Variants in WDFY4 observed in about 807,000 individuals in gnomAD.
WDFY4 encodes WD repeat- and FYVE domain-containing protein 4.
In WDFY4, 169 loss-of-function variants were observed where a neutral mutation model predicts 351.9. The ratio of observed to expected loss-of-function variants is 0.48; its 90% CI spans 0.42 to 0.55. The LOEUF is 0.55. WDFY4 is among the 20% of genes least tolerant of loss of function. The pLI is 0.00. For synonymous variants in WDFY4, 1,622 were observed against 1,574.6 expected, an observed-to-expected ratio of 1.03 and a Z score of -0.71; for missense variants, 3,803 against 3,935.6, an observed-to-expected ratio of 0.97 and a Z score of 0.90.
chr10:48,814,637 C>T (rs1056494780), intron 31 of WDFY4, among the ~76,000 whole-genome samples: 5 of 152,158 alleles, frequency 3.3e-5, no homozygotes, highest in Non-Finnish European at 5.9e-5. Flanking sequence ...GGGAGGGTTT[C>T]CAGAAAAGGC....
intron 1 of WDFY4, among the ~76,000 whole-genome samples, chr10:48,695,146 G>A (rs1050947296): frequency 2.6e-5 from 4 of 152,206 alleles, no homozygotes; most frequent in African/African-American, 7.2e-5. Context: ...GGGAATGCTG[G>A]CCAAGGAGTG....
intron 45 of WDFY4, 74 bp from the exon 46 acceptor site, chr10:48,900,147 C>A: frequency 7.4e-7 from 1 of 1,355,506 alleles, no homozygotes; most frequent in Non-Finnish European, 1.0e-6. Flanking sequence ...GACCCATTTC[C>A]AGCAGCTGTG....
At chr10:48,855,070 A>C (rs1336666498) in intron 39 of WDFY4, among the ~76,000 whole-genome samples, 2 of 152,268 alleles carry the variant, frequency 1.3e-5, no homozygotes, top group African/African-American at 4.8e-5. Context: ...AAATGAAAGA[A>C]AAGAAAAAGA....
intron 37 of WDFY4, among the ~76,000 whole-genome samples, chr10:48,830,452 G>A (rs532271632): frequency 6.6e-6 from 1 of 152,190 alleles, no homozygotes; most frequent in South Asian, 2.1e-4. Context: ...ATGTGAGGCA[G>A]GCAGGAATTG....
chr10:48,772,891 G>A lies in WDFY4; in HGVS notation c.2554-1567G>A, dbSNP rs538410582. Among the ~76,000 whole-genome samples the A allele has an allele frequency of 3.2e-3, 479 of 150,516 alleles. 3 individuals are homozygous for A. Among genetic ancestry groups the A allele is most frequent in the Non-Finnish European group, 5.6e-3 (379 of 67,810 alleles). On this transcript the variant is annotated intron_variant, in intron 13 of 61. Coordinates refer to ENST00000325239, the MANE Select transcript of WDFY4 (RefSeq NM_001394531.1). ...GGACATGAACTCATCATTTTTTATG[G>A]CTGCATAGTATTCCATGGTGTATAT...
At chr10:48,953,739 T>G (rs956853361) in intron 51 of WDFY4, among the ~76,000 whole-genome samples, 1 of 152,252 alleles carries the variant, frequency 6.6e-6, no homozygotes, top group Non-Finnish European at 1.5e-5. Flanking sequence ...AAGAATAGAC[T>G]TTCTAGCATA....
intron 23 of WDFY4, among the ~76,000 whole-genome samples, chr10:48,794,068 G>C (rs1019004547): frequency 6.6e-6 from 1 of 152,194 alleles, no homozygotes; most frequent in African/African-American, 2.4e-5. Context: ...TTGTGGAGCT[G>C]TGCATGGCAT....
intron 47 of WDFY4, among the ~76,000 whole-genome samples, chr10:48,904,893 C>A (rs1363356632): frequency 6.6e-6 from 1 of 152,178 alleles, no homozygotes; most frequent in Admixed American, 6.5e-5. Context: ...AATCAAGGTT[C>A]TGTTATCCAC....
chr10:48,944,002 C>T (rs184647849), intron 49 of WDFY4, among the ~76,000 whole-genome samples: 1 of 152,150 alleles, frequency 6.6e-6, no homozygotes, highest in African/African-American at 2.4e-5. Context: ...CTAACATGAG[C>T]CCCAGGGGGC....
At chr10:48,696,130 C>T (rs1316223813) in intron 1 of WDFY4, among the ~76,000 whole-genome samples, 1 of 152,216 alleles carries the variant, frequency 6.6e-6, no homozygotes, top group Non-Finnish European at 1.5e-5. Flanking sequence ...AGGTGTAGGG[C>T]CCTGGGCCCT....
chr10:48,801,545 A>T (rs1459664756), intron 24 of WDFY4: 2 of 456,028 alleles, frequency 4.4e-6, no homozygotes, highest in Non-Finnish European at 8.8e-6. Flanking sequence ...CCATGTTTTC[A>T]CTAGAGCTGC....
At chr10:48,734,351 A>AT (rs907780523) in intron 10 of WDFY4, among the ~76,000 whole-genome samples, 150 of 151,498 alleles carry the variant, frequency 9.9e-4, no homozygotes, top group African/African-American at 3.4e-3. Context: ...ATGCTTTTTA[A>AT]TTTTTTTTTA....
chr10:48,854,612 T>G (rs1345446746), intron 39 of WDFY4, among the ~76,000 whole-genome samples: 2 of 152,184 alleles, frequency 1.3e-5, no homozygotes, highest in Non-Finnish European at 2.9e-5. Flanking sequence ...AAAGATTGAG[T>G]GATCTCTCCT....
intron 47 of WDFY4, among the ~76,000 whole-genome samples, chr10:48,905,093 C>A (rs1837550331): frequency 6.6e-6 from 1 of 152,300 alleles, no homozygotes; most frequent in East Asian, 1.9e-4. Flanking sequence ...CTTTGATGAA[C>A]CTATTCTGTA....
At chr10:48,982,113 G>A (rs1364248199) in intron 61 of WDFY4, among the ~76,000 whole-genome samples, 6 of 152,330 alleles carry the variant, frequency 3.9e-5, no homozygotes, top group East Asian at 1.9e-4. Context: ...TGGGTGGGGC[G>A]GAGTGGAGTG....
intron 58 of WDFY4, among the ~76,000 whole-genome samples, chr10:48,976,224 C>T (rs1842562541): frequency 6.6e-6 from 1 of 152,226 alleles, no homozygotes; most frequent in Non-Finnish European, 1.5e-5. Flanking sequence ...GCCCCAGGAC[C>T]TTGGTGACAG....
chr10:48,821,478 A>G (rs554740722), intron 34 of WDFY4, among the ~76,000 whole-genome samples: 1 of 152,324 alleles, frequency 6.6e-6, no homozygotes, highest in East Asian at 1.9e-4. Context: ...CTCTTCCCAT[A>G]AGGGAAACCA....
chr10:48,868,827 C>T (rs1246768094), intron 40 of WDFY4, among the ~76,000 whole-genome samples: 1 of 151,954 alleles, frequency 6.6e-6, no homozygotes, highest in African/African-American at 2.4e-5. Flanking sequence ...GGAGAGATGC[C>T]CTGGGGTACT....
chr10:48,729,717 T>C (rs2064390410), intron 8 of WDFY4, 128 bp downstream of exon 8: 2 of 1,240,718 alleles, frequency 1.6e-6, no homozygotes, highest in Non-Finnish European at 2.2e-6. Flanking sequence ...TGTCACAACC[T>C]TTGGGGAGGT....
Sources: gnomAD v4.1 joint callset for allele counts (sites outside exome capture counted in the v4.1 genomes callset) on GRCh38, gnomAD v4.1.1 for gene constraint, MANE v1.5 for transcripts, NCBI Gene and HGNC (gene_info 2026-07-23, HGNC 2026-07-21) for gene names.